The following CRADD variants were observed in gnomAD, a reference collection of about 807,000 sequenced individuals.
CRADD encodes death domain-containing protein CRADD.
CRADD carries 9 observed loss-of-function variants against 15.5 expected under a neutral mutation model. The ratio of observed to expected loss-of-function variants is 0.58; its 90% CI spans 0.35 to 1.01. The LOEUF (loss-of-function observed/expected upper bound fraction) is 1.01, where lower values mean the gene tolerates loss of function less well. CRADD is among the 50% of genes least tolerant of loss of function. The probability of loss-of-function intolerance (pLI) is 0.02; values close to 1 mark genes in which losing one functional copy is unlikely to be tolerated. For synonymous variants in CRADD, 118 were observed against 107.6 expected (o/e 1.10, Z -0.60); for missense variants, 227 against 250.3 (o/e 0.91, Z 0.63).
chr12:93,864,460 A>C (rs1435483298), intron 2 of CRADD, among the ~76,000 whole-genome samples: 1 of 152,208 alleles, frequency 6.6e-6, no homozygotes, highest in Non-Finnish European at 1.5e-5. Context: ...GAGCCATATA[A>C]GGGCAAAGGT....
At chr12:93,735,060 G>A (rs921793509) in intron 2 of CRADD, among the ~76,000 whole-genome samples, 1 of 152,128 alleles carries the variant, frequency 6.6e-6, no homozygotes, top group Admixed American at 6.5e-5. Flanking sequence ...AGCTCCATGG[G>A]GGCAGAACAC....
chr12:93,788,491 G>A (rs1957307302), intron 2 of CRADD, among the ~76,000 whole-genome samples: 1 of 152,126 alleles, frequency 6.6e-6, no homozygotes, highest in Non-Finnish European at 1.5e-5. Context: ...GAGGCCCAGT[G>A]GTGGCTCTCA....
intron 2 of CRADD, among the ~76,000 whole-genome samples, chr12:93,739,179 C>G (rs1307510394): frequency 6.6e-6 from 1 of 152,058 alleles, no homozygotes; most frequent in Non-Finnish European, 1.5e-5. Context: ...GGATGGGCAC[C>G]AGCCCTGATG....
intron 2 of CRADD, chr12:93,838,036 A>C (rs1401618341): frequency 6.6e-6 from 1 of 152,064 alleles, no homozygotes; most frequent in Non-Finnish European, 1.5e-5. Flanking sequence ...AATGGGATTT[A>C]TTTGTATTTT....
chr12:93,792,270 A>G (rs1340933146), intron 2 of CRADD, among the ~76,000 whole-genome samples: 1 of 152,194 alleles, frequency 6.6e-6, no homozygotes, highest in Non-Finnish European at 1.5e-5. Flanking sequence ...GCAAGGAGTT[A>G]GAAGGTAGAA....
At chr12:93,883,070 T>TAAA (rs1039799293) in intron 2 of CRADD, among the ~76,000 whole-genome samples, 9 of 152,240 alleles carry the variant, frequency 5.9e-5, no homozygotes, top group African/African-American at 1.9e-4. Flanking sequence ...TAATTAAGCA[T>TAAA]AATTTGATTA....
intron 2 of CRADD, among the ~76,000 whole-genome samples, chr12:93,802,946 A>G (rs896901817): frequency 6.6e-6 from 1 of 152,196 alleles, no homozygotes; most frequent in Non-Finnish European, 1.5e-5. Context: ...GAGGAGAGCT[A>G]TGCCTCTGAA....
intron 2 of CRADD, among the ~76,000 whole-genome samples, chr12:93,723,627 T>A (rs1390239033): frequency 6.6e-6 from 1 of 152,212 alleles, no homozygotes; most frequent in Non-Finnish European, 1.5e-5. Flanking sequence ...CTTAGCTGCC[T>A]CTGGGTTTAT....
At chr12:93,713,702 A>C (rs1192373744) in intron 2 of CRADD, among the ~76,000 whole-genome samples, 1 of 152,182 alleles carries the variant, frequency 6.6e-6, no homozygotes, top group Admixed American at 6.5e-5. Context: ...CATATACAGA[A>C]CCTGGGGATA....
chr12:93,749,582 C>A (rs535063551), intron 2 of CRADD, among the ~76,000 whole-genome samples: 1 of 151,394 alleles, frequency 6.6e-6, no homozygotes, highest in Admixed American at 6.6e-5. Flanking sequence ...AATTTTAAGT[C>A]ACTTTTCCTC....
At chr12:93,852,347 C>G (rs1298685712), downstream of CRADD, among the ~76,000 whole-genome samples, 1 of 152,212 alleles carries the variant, frequency 6.6e-6, no homozygotes, top group Non-Finnish European at 1.5e-5. Flanking sequence ...CGCCATTCAC[C>G]ATTTGCAAGG....
At position 93,892,097 on chromosome 12, in the gene CRADD, C is replaced by T. The variant is rs553478913; in HGVS notation, c.299-1953C>T. Among the ~76,000 whole-genome samples, 9 of 152,264 alleles carry T rather than the reference C, an allele frequency of 5.9e-5. 1 individual carries two copies. The highest frequency in any genetic ancestry group is 1.7e-4 in the African/African-American group (7 of 41,566). On this transcript the variant is annotated intron_variant, in intron 2 of 2. Transcript: ENST00000548483. ...AGAGCTCAGAGAGGTGGGAGATATA[C>T]GTTGTGCACAAAGACCCCTGCTCTT... is the stretch of plus-strand genomic sequence containing the variant.
chr12:93,842,176 T>G (rs928045986), intron 2 of CRADD, among the ~76,000 whole-genome samples: 2 of 152,154 alleles, frequency 1.3e-5, no homozygotes, highest in Non-Finnish European at 2.9e-5. Flanking sequence ...CCCTGGAGAG[T>G]TCCCATTCTC....
chr12:93,856,957 A>T (rs1286322347), intron 2 of CRADD, among the ~76,000 whole-genome samples: 2 of 152,218 alleles, frequency 1.3e-5, no homozygotes, highest in Non-Finnish European at 2.9e-5. Context: ...AAGAACAGGG[A>T]TGTCTATCTT....
At chr12:93,812,037 C>T (rs762368321) in intron 2 of CRADD, among the ~76,000 whole-genome samples, 3 of 152,114 alleles carry the variant, frequency 2.0e-5, no homozygotes, top group South Asian at 2.1e-4. Context: ...GTCCAAAAGG[C>T]GGTATACTGT....
downstream of CRADD, among the ~76,000 whole-genome samples, chr12:93,851,759 G>A (rs935216040): frequency 1.3e-5 from 2 of 152,128 alleles, no homozygotes; most frequent in Non-Finnish European, 2.9e-5. Context: ...AATAATTACG[G>A]AATCTGTTTC....
intron 2 of CRADD, among the ~76,000 whole-genome samples, chr12:93,713,425 G>C (rs1956108823): frequency 6.6e-6 from 1 of 152,066 alleles, no homozygotes; most frequent in Non-Finnish European, 1.5e-5. Flanking sequence ...TGTCCGAGGG[G>C]TATTGGTTCC....
chr12:93,707,939 T>C (rs1955987021), intron 2 of CRADD: 1 of 152,224 alleles, frequency 6.6e-6, no homozygotes, highest in African/African-American at 2.4e-5. Context: ...ATTCTAGTCA[T>C]TTGATGGATG....
chr12:93,781,620 T>C (rs944640621), intron 2 of CRADD, among the ~76,000 whole-genome samples: 1 of 152,184 alleles, frequency 6.6e-6, no homozygotes, highest in Non-Finnish European at 1.5e-5. Flanking sequence ...TCCTCCAATG[T>C]GATCTGATAG....
Sources: gnomAD v4.1 joint callset for allele counts (sites outside exome capture counted in the v4.1 genomes callset) on GRCh38, gnomAD v4.1.1 for gene constraint, MANE v1.5 for transcripts, NCBI Gene and HGNC (gene_info 2026-07-23, HGNC 2026-07-21) for gene names.